Variants in MAGI2 observed in about 807,000 individuals in gnomAD.
MAGI2 encodes the protein membrane-associated guanylate kinase, WW and PDZ domain-containing protein 2.
A neutral mutation model predicts 133.3 loss-of-function variants in MAGI2; 35 were observed. The observed-to-expected ratio is 0.26, with a 90% CI of 0.20 to 0.35. The LOEUF (loss-of-function observed/expected upper bound fraction) is 0.35. Ranked by LOEUF, MAGI2 falls within the 10% of genes least tolerant of loss-of-function variation. MAGI2 has a pLI of 1.00. For synonymous variants in MAGI2, 729 were observed against 710.6 expected, an observed-to-expected ratio of 1.03 and a Z score of -0.41; for missense variants, 1,636 against 1,863.4, an observed-to-expected ratio of 0.88 and a Z score of 2.25.
intron 2 of MAGI2, among the ~76,000 whole-genome samples, chr7:78,824,282 G>T (rs1325099865): frequency 6.6e-6 from 1 of 152,158 alleles, no homozygotes; most frequent in Admixed American, 6.5e-5. Context: ...AATCCTCTGG[G>T]TATATACTCA....
chr7:78,980,758 T>C (rs890288961), intron 2 of MAGI2, among the ~76,000 whole-genome samples: 9 of 151,914 alleles, frequency 5.9e-5, no homozygotes, highest in Non-Finnish European at 1.2e-4. Flanking sequence ...AATTTCCTTC[T>C]TGGTTCAGTT....
At chr7:78,126,492 A>G (rs1163408845) in intron 19 of MAGI2, among the ~76,000 whole-genome samples, 1 of 152,232 alleles carries the variant, frequency 6.6e-6, no homozygotes, top group Non-Finnish European at 1.5e-5. Flanking sequence ...GTAGTTACGA[A>G]GTAGGAAATA....
chr7:78,946,259 G>T (rs1801407306), intron 2 of MAGI2, among the ~76,000 whole-genome samples: 1 of 152,082 alleles, frequency 6.6e-6, no homozygotes. Context: ...AAGTAATCAT[G>T]TAAAGCAACT....
intron 1 of MAGI2, among the ~76,000 whole-genome samples, chr7:79,286,862 G>A (rs1390294486): frequency 1.3e-5 from 2 of 152,004 alleles, no homozygotes; most frequent in Non-Finnish European, 2.9e-5. Flanking sequence ...TAAAAAAATT[G>A]TATGAATTTA....
intron 6 of MAGI2, among the ~76,000 whole-genome samples, chr7:78,405,062 A>G (rs145203053): frequency 6.6e-6 from 1 of 152,268 alleles, no homozygotes; most frequent in Admixed American, 6.5e-5. Context: ...TTTGACTTCT[A>G]AGGAACTGCT....
chr7:78,387,278 T>C (rs1795472430), intron 6 of MAGI2, among the ~76,000 whole-genome samples: 1 of 152,092 alleles, frequency 6.6e-6, no homozygotes, highest in Non-Finnish European at 1.5e-5. Flanking sequence ...TGTGAAGTCT[T>C]TACAACTCTA....
intron 1 of MAGI2, among the ~76,000 whole-genome samples, chr7:79,107,186 A>C (rs1409227824): frequency 2.0e-5 from 3 of 152,200 alleles, no homozygotes; most frequent in African/African-American, 7.2e-5. Flanking sequence ...TTCTCCAGGT[A>C]AGAGCAGGAT....
At chr7:78,604,449 C>T (rs775336240) in intron 3 of MAGI2, among the ~76,000 whole-genome samples, 9 of 152,148 alleles carry the variant, frequency 5.9e-5, no homozygotes, top group Non-Finnish European at 1.0e-4. Flanking sequence ...CGCCTTTTAT[C>T]CCCATACTGA....
At chr7:78,531,215 G>T (rs993103350) in intron 3 of MAGI2, among the ~76,000 whole-genome samples, 4 of 135,662 alleles carry the variant, frequency 2.9e-5, no homozygotes, top group African/African-American at 1.1e-4. Context: ...TATTAATTAA[G>T]TTTTTTTTTT....
At position 78,815,859 on chromosome 7, in the gene MAGI2, A is replaced by G. The variant is rs142706693; in HGVS notation, c.419-188620T>C. 1.8e-4 allele frequency among the ~76,000 whole-genome samples: 27 copies of G among 152,306 alleles called. No homozygotes were observed. In the East Asian group the frequency reaches 4.6e-3, roughly 26 times the overall value. The stretch of plus-strand genomic sequence containing the variant: ...ACTTAACAATATTGAAGTCAGGCCA[A>G]TTAATAACCTTACAATGGCTGCAAA... On this transcript the variant is annotated intron_variant, in intron 2 of 21. Coordinates refer to ENST00000354212, the MANE Select transcript of MAGI2 (RefSeq NM_012301.4).
intron 11 of MAGI2, among the ~76,000 whole-genome samples, chr7:78,199,986 T>C (rs1829090121): frequency 6.6e-6 from 1 of 152,240 alleles, no homozygotes. Context: ...GATTTAAGTT[T>C]GGTGGTGAAA....
chr7:78,388,615 T>C (rs1562929413), intron 6 of MAGI2, among the ~76,000 whole-genome samples: 1 of 152,184 alleles, frequency 6.6e-6, no homozygotes, highest in Non-Finnish European at 1.5e-5. Context: ...AATTGTTAAA[T>C]TGACATTAGC....
chr7:78,782,191 C>G (rs564656232), intron 2 of MAGI2, among the ~76,000 whole-genome samples: 1 of 152,258 alleles, frequency 6.6e-6, no homozygotes, highest in South Asian at 2.1e-4. Flanking sequence ...ACTTGAAACA[C>G]GTCAGCTGGA....
chr7:78,290,372 G>A lies in MAGI2; in HGVS notation c.1409-33791C>T, dbSNP rs564553263. On this transcript the variant is annotated intron_variant, in intron 9 of 21. Transcript: ENST00000354212. ...AGAAGGGCATTACATAATAGTAAAG[G>A]GATCAATGCAACAAGAAGAGCTAAC... Among the ~76,000 whole-genome samples, 117 of 152,182 alleles carry A rather than the reference G, an allele frequency of 7.7e-4. 1 individual carries two copies. In the South Asian group the frequency reaches 0.023, roughly 31 times the overall value.
At chr7:78,528,829 A>C (rs1797196756) in intron 3 of MAGI2, among the ~76,000 whole-genome samples, 1 of 152,176 alleles carries the variant, frequency 6.6e-6, no homozygotes. Context: ...GTGGTGAAAA[A>C]GCATTAATCT....
At position 78,210,214 on chromosome 7, in the gene MAGI2, C is replaced by T. The variant is rs563562290; in HGVS notation, c.2048-9021G>A. Among the ~76,000 whole-genome samples the T allele has an allele frequency of 1.9e-3, 291 of 152,296 alleles. 2 individuals carry two copies. The highest frequency in any genetic ancestry group is 6.2e-3 in the African/African-American group (259 of 41,554). ...GTGGAGATATTATACCTATTTTCTT[C>T]ATCATGTATCCCCAGTACTTAGCAA... On this transcript the variant is annotated intron_variant, in intron 10 of 21. Coordinates refer to ENST00000354212, the MANE Select transcript of MAGI2 (RefSeq NM_012301.4).
chr7:78,436,491 G>T (rs1800299650), intron 6 of MAGI2, among the ~76,000 whole-genome samples: 1 of 152,170 alleles, frequency 6.6e-6, no homozygotes, highest in African/African-American at 2.4e-5. Context: ...TTTGAAGAGG[G>T]TGAGGCTCCT....
chr7:79,312,712 G>T (rs112918119), intron 1 of MAGI2, among the ~76,000 whole-genome samples: 1 of 152,132 alleles, frequency 6.6e-6, no homozygotes, highest in Admixed American at 6.6e-5. Flanking sequence ...GGCACAAAGT[G>T]TGCATACAAA....
chr7:78,461,383 C>CGTGTGTGCGT (rs1487666561), intron 6 of MAGI2, among the ~76,000 whole-genome samples: 57 of 92,724 alleles, frequency 6.1e-4, no homozygotes, highest in African/African-American at 2.5e-3. Context: ...TTCCTGGACA[C>CGTGTGTGCGT]GTGTGTGTGC....
Sources: allele counts gnomAD v4.1 joint callset (sites outside exome capture counted in the v4.1 genomes callset), GRCh38; gene constraint gnomAD v4.1.1; transcripts MANE v1.5; gene names NCBI Gene and HGNC (gene_info 2026-07-23, HGNC 2026-07-21).